Variants in FAM24B observed in about 807,000 individuals in gnomAD.
The protein encoded by FAM24B is protein FAM24B.
A neutral mutation model predicts 2.3 loss-of-function variants in FAM24B; 3 were observed. The ratio of observed to expected loss-of-function variants is 1.29; its 90% CI spans 0.59 to 3.32. The LOEUF (loss-of-function observed/expected upper bound fraction) is 3.32. Ranked by LOEUF, FAM24B falls within the 30% of genes most tolerant of loss-of-function variation. FAM24B has a pLI of 0.03. For synonymous variants in FAM24B, 36 were observed against 46.3 expected, an observed-to-expected ratio of 0.78 and a Z score of 0.90; for missense variants, 98 against 117.2, an observed-to-expected ratio of 0.84 and a Z score of 0.76.
At chr10:122,871,297 A>C (rs988595301) in intron 1 of FAM24B, among the ~76,000 whole-genome samples, 1 of 152,218 alleles carries the variant, frequency 6.6e-6, no homozygotes, top group Non-Finnish European at 1.5e-5. Flanking sequence ...GGATACAAAC[A>C]AATGGAAGAA....
chr10:122,864,409 C>T (rs562766483), intron 1 of FAM24B, among the ~76,000 whole-genome samples: 17 of 152,056 alleles, frequency 1.1e-4, no homozygotes, highest in African/African-American at 2.9e-4. Context: ...AGGTCTGTTG[C>T]GTGTACTACT....
At chr10:122,871,909 A>C (rs1388825370) in intron 1 of FAM24B, among the ~76,000 whole-genome samples, 2 of 152,254 alleles carry the variant, frequency 1.3e-5, no homozygotes, top group African/African-American at 4.8e-5. Context: ...CACCAAAAGC[A>C]ATGGCAACAA....
At chr10:122,871,886 T>C (rs569745901) in intron 1 of FAM24B, among the ~76,000 whole-genome samples, 1 of 152,276 alleles carries the variant, frequency 6.6e-6, no homozygotes, top group Non-Finnish European at 1.5e-5. Context: ...GGGCAAGGAC[T>C]TCATGTCTAA....
At chr10:122,856,205 C>T (rs995421167) in intron 1 of FAM24B, among the ~76,000 whole-genome samples, 1 of 152,128 alleles carries the variant, frequency 6.6e-6, no homozygotes, top group African/African-American at 2.4e-5. Flanking sequence ...TTTGCCATGG[C>T]ACATTACAAG....
chr10:122,874,102 G>A (rs554873508), intron 1 of FAM24B, among the ~76,000 whole-genome samples: 1 of 152,076 alleles, frequency 6.6e-6, no homozygotes, highest in East Asian at 1.9e-4. Flanking sequence ...TATTGTTGAC[G>A]TGTCCTATTA....
intron 2 of FAM24B, chr10:122,850,811 A>G: frequency 3.0e-6 from 1 of 336,672 alleles, no homozygotes; most frequent in Non-Finnish European, 5.6e-6. Context: ...AAGGACAAAC[A>G]GTGGGAAGAA....
chr10:122,861,759 A>C (rs551254995), intron 1 of FAM24B, among the ~76,000 whole-genome samples: 1 of 152,310 alleles, frequency 6.6e-6, no homozygotes, highest in South Asian at 2.1e-4. Context: ...GGTACACATG[A>C]GCAGTGAATT....
intron 2 of FAM24B, among the ~76,000 whole-genome samples, chr10:122,852,807 C>G (rs1387306892): frequency 7.9e-5 from 12 of 152,204 alleles, no homozygotes; most frequent in Non-Finnish European, 2.9e-5. Flanking sequence ...TCTACTCAGT[C>G]TTCGCTGGTG....
intron 1 of FAM24B, among the ~76,000 whole-genome samples, chr10:122,874,811 T>C (rs1023462563): frequency 2.6e-5 from 4 of 152,114 alleles, no homozygotes; most frequent in African/African-American, 9.7e-5. Context: ...TAAAACAGCA[T>C]GAGGTTTTTT....
chr10:122,850,656 G>A (rs1157819138), intron 2 of FAM24B, 106 bp from the exon 3 acceptor site: 1 of 668,632 alleles, frequency 1.5e-6, no homozygotes, highest in Admixed American at 2.2e-5. Flanking sequence ...CCCAAACACA[G>A]ATCCTTATGT....
chr10:122,870,419 C>T (rs542683850), intron 1 of FAM24B, among the ~76,000 whole-genome samples: 4 of 152,258 alleles, frequency 2.6e-5, no homozygotes, highest in Admixed American at 6.5e-5. Context: ...AGAGGGAATC[C>T]TCCCTAACTC....
chr10:122,859,754 C>T (rs1046847226), intron 1 of FAM24B, among the ~76,000 whole-genome samples: 29 of 152,300 alleles, frequency 1.9e-4, no homozygotes, highest in Middle Eastern at 3.4e-3. Context: ...GGTCAATGAA[C>T]TATGAAGCAG....
At chr10:122,871,753 G>C (rs1227181942) in intron 1 of FAM24B, among the ~76,000 whole-genome samples, 1 of 152,016 alleles carries the variant, frequency 6.6e-6, no homozygotes, top group Non-Finnish European at 1.5e-5. Flanking sequence ...GCTGAAACTG[G>C]ATCCCTTCCT....
intron 1 of FAM24B, among the ~76,000 whole-genome samples, chr10:122,860,210 T>C (rs1043050885): frequency 2.6e-5 from 4 of 152,214 alleles, no homozygotes; most frequent in Admixed American, 2.0e-4. Flanking sequence ...CTCCCCTATA[T>C]GCCACCACTT....
In FAM24B at chr10:122,879,523, T is replaced by C. The variant is rs760846203; in HGVS notation, c.-216A>G. ...CTCCCCATCCGCCCAGCAACCGTGG[T>C]CCATGCTGCCTGCGTCCACCGCCAG... is the stretch of plus-strand genomic sequence containing the variant. On this transcript the variant is annotated 5_prime_UTR_variant, in exon 1 of 4. Coordinates refer to ENST00000368898, the MANE Select transcript of FAM24B (RefSeq NM_152644.3). 6.5e-6 allele frequency: 1 copy of C among 152,718 alleles called. No homozygotes were observed. The highest frequency in any genetic ancestry group is 2.1e-4 in the South Asian group (1 of 4,842). The allele number at this position is 152,718 out of a possible 1,614,324, so 9.5% of individuals were successfully genotyped here. A position where few individuals can be genotyped will look rare whatever the true frequency, so the allele number is the denominator to read the frequency against.
chr10:122,850,816 G>A (rs1434094785), intron 2 of FAM24B: 1 of 326,376 alleles, frequency 3.1e-6, no homozygotes, highest in Non-Finnish European at 5.8e-6. Flanking sequence ...CAAACAGTGG[G>A]AAGAATCTTT....
At chr10:122,868,646 A>T (rs1847841532) in intron 1 of FAM24B, among the ~76,000 whole-genome samples, 1 of 152,224 alleles carries the variant, frequency 6.6e-6, no homozygotes, top group African/African-American at 2.4e-5. Flanking sequence ...CTTAAAGAAA[A>T]GAATTTTCAA....
At chr10:122,855,872 A>G (rs1847629642) in intron 1 of FAM24B, 86 bp from the exon 2 acceptor site, 1 of 152,296 alleles carries the variant, frequency 6.6e-6, no homozygotes, top group Non-Finnish European at 1.5e-5. Flanking sequence ...TTCAGTCTAC[A>G]GTGCCTCAGA....
chr10:122,878,427 G>A (rs1848015122), intron 1 of FAM24B, among the ~76,000 whole-genome samples: 1 of 152,046 alleles, frequency 6.6e-6, no homozygotes, highest in Non-Finnish European at 1.5e-5. Flanking sequence ...CAGCTACTCA[G>A]AAGGCTGAGG....
Sources: gnomAD v4.1 joint callset for allele counts (sites outside exome capture counted in the v4.1 genomes callset) on GRCh38, gnomAD v4.1.1 for gene constraint, MANE v1.5 for transcripts, NCBI Gene and HGNC (gene_info 2026-07-23, HGNC 2026-07-21) for gene names.